The following SLC9B1 variants were observed in gnomAD, a reference collection of about 807,000 sequenced individuals.
The protein encoded by SLC9B1 is sodium/hydrogen exchanger 9B1.
Under a neutral mutation model 51.7 loss-of-function variants are expected in SLC9B1, and 32 were observed. That is an observed-to-expected ratio of 0.62 (90% CI 0.47 to 0.83). The LOEUF (loss-of-function observed/expected upper bound fraction) is 0.83, where lower values mean the gene tolerates loss of function less well. Among genes scored for constraint, SLC9B1 ranks in the 40% least tolerant of loss-of-function variants. SLC9B1 has a pLI of 0.00. For missense variants in SLC9B1, 406 were observed against 613.2 expected (o/e 0.66, Z 3.57); for synonymous variants, 145 against 212.7 (o/e 0.68, Z 2.77).
Position 102,885,450 on chromosome 4 carries a change from G to A in SLC9B1, c.1333-122C>T, listed in dbSNP as rs139460212. On this transcript the variant is annotated intron_variant, in intron 11 of 11. Transcript: ENST00000394789. Reference sequence around the variant, plus strand: ...AAAACGGTAAGATGTCTGTTTACGTGTACACTAAAATTTTGCAGTGCTAGG... The same window carrying A: ...AAAACGGTAAGATGTCTGTTTACGTATACACTAAAATTTTGCAGTGCTAGG... 521 of 1,600,944 alleles carry A rather than the reference G, an allele frequency of 3.3e-4. 4 individuals are homozygous for A. In the East Asian group the frequency reaches 0.011, roughly 33 times the overall value.
chr4:103,003,811 G>A (rs933652746), intron 1 of SLC9B1, among the ~76,000 whole-genome samples: 6 of 152,124 alleles, frequency 3.9e-5, no homozygotes, highest in Non-Finnish European at 8.8e-5. Flanking sequence ...CAGAGCTACA[G>A]CACACAGCTG....
chr4:102,885,519 TGAGA>T (rs1489821937), intron 11 of SLC9B1: 1 of 999,722 alleles, frequency 1.0e-6, no homozygotes, highest in African/African-American at 1.6e-5. Flanking sequence ...TTCTTTAAGA[TGAGA>T]GAATTTTCTG....
intron 1 of SLC9B1, among the ~76,000 whole-genome samples, chr4:103,007,430 A>G (rs1560529995): frequency 6.6e-6 from 1 of 152,176 alleles, no homozygotes; most frequent in Non-Finnish European, 1.5e-5. Context: ...AAGGATCTCT[A>G]CAATGAGAAT....
chr4:102,947,523 T>A (rs999152847), intron 4 of SLC9B1, among the ~76,000 whole-genome samples: 14 of 152,060 alleles, frequency 9.2e-5, no homozygotes, highest in Non-Finnish European at 1.9e-4. Context: ...CCAGAAAAAT[T>A]TTTAATATTT....
exon 12 of SLC9B1, chr4:102,885,082 C>A: frequency 1.4e-6 from 1 of 736,684 alleles, no homozygotes; most frequent in Non-Finnish European, 2.4e-6. Flanking sequence ...GTTATTTATT[C>A]ACAGTTTTAT....
chr4:102,914,224 GCA>G (rs547070988), intron 7 of SLC9B1, among the ~76,000 whole-genome samples: 1 of 114,642 alleles, frequency 8.7e-6, no homozygotes, highest in African/African-American at 3.9e-5. Flanking sequence ...CAGTCTGGGT[GCA>G]CTGGATGAAT....
chr4:102,946,342 G>T (rs926379558), intron 5 of SLC9B1, among the ~76,000 whole-genome samples: 1 of 151,902 alleles, frequency 6.6e-6, no homozygotes, highest in Non-Finnish European at 1.5e-5. Context: ...ACGGAGTCTC[G>T]CTCTGTCCCC....
At chr4:102,921,519 C>T (rs2043869375) in intron 7 of SLC9B1, among the ~76,000 whole-genome samples, 1 of 152,160 alleles carries the variant, frequency 6.6e-6, no homozygotes, top group Non-Finnish European at 1.5e-5. Flanking sequence ...GGCAAATAAC[C>T]AGCAACTATC....
intron 1 of SLC9B1, among the ~76,000 whole-genome samples, chr4:103,009,208 T>C (rs1333425000): frequency 6.6e-6 from 1 of 152,244 alleles, no homozygotes; most frequent in African/African-American, 2.4e-5. Context: ...TTAAATACCA[T>C]GTATGTGCAT....
intron 1 of SLC9B1, among the ~76,000 whole-genome samples, chr4:103,013,092 C>G (rs1039038990): frequency 6.6e-6 from 1 of 152,170 alleles, no homozygotes; most frequent in Admixed American, 6.5e-5. Context: ...TGGTTTTTCT[C>G]AACTATAGAC....
chr4:102,931,758 A>T (rs1233099868), intron 7 of SLC9B1, among the ~76,000 whole-genome samples: 2 of 152,196 alleles, frequency 1.3e-5, no homozygotes, highest in Non-Finnish European at 2.9e-5. Flanking sequence ...GTTTATTAGG[A>T]TGGCCAAAAA....
intron 3 of SLC9B1, among the ~76,000 whole-genome samples, chr4:102,987,558 TA>T (rs995505770): frequency 6.6e-6 from 1 of 152,110 alleles, no homozygotes; most frequent in African/African-American, 2.4e-5. Flanking sequence ...TAGGCTCTGA[TA>T]AAAAATTTTT....
Position 102,945,269 on chromosome 4 carries a change from G to T in SLC9B1, c.577C>A (p.Leu193Ile), listed in dbSNP as rs1443153511. The T allele has an allele frequency of 6.2e-7, 1 of 1,607,438 alleles. No individual in the cohort carries two copies. Among genetic ancestry groups the T allele is most frequent in the South Asian group, 1.1e-5 (1 of 90,200 alleles). Residue 193 changes from leucine (L) to isoleucine (I), a missense_variant, in exon 6 of 12, where the codon CTT becomes ATT. Leu to Ile is a conservative substitution (Grantham distance 5). Around this residue, in one of 6 missense-constraint regions of SLC9B1, gnomAD observed 250 missense variants for 394.1 expected, o/e 0.63. Transcript: ENST00000296422. Reference protein sequence around the residue: ...VCFRLAVGPCLMEASAAAVFS... With the variant: ...VCFRLAVGPCIMEASAAAVFS... ...ACAGCAGCTGCACTTGCCTCCATAA[G>T]GCATGGACCTACAGCCAATCTGAAA...
At chr4:102,902,108 A>G (rs913037772) in intron 11 of SLC9B1, among the ~76,000 whole-genome samples, 54 of 152,144 alleles carry the variant, frequency 3.5e-4, no homozygotes, top group African/African-American at 9.2e-4. Flanking sequence ...CTGGGTCACA[A>G]GTTTTTTTCC....
chr4:102,974,682 C>T (rs1738961262), intron 3 of SLC9B1, among the ~76,000 whole-genome samples: 1 of 152,134 alleles, frequency 6.6e-6, no homozygotes, highest in Non-Finnish European at 1.5e-5. Context: ...AAAACACCCA[C>T]TAGTATGAGA....
intron 6 of SLC9B1, among the ~76,000 whole-genome samples, chr4:102,936,494 T>C (rs1459254758): frequency 6.6e-6 from 1 of 152,186 alleles, no homozygotes. Flanking sequence ...CCAATCCAAA[T>C]AATCTAAGGA....
chr4:102,961,913 G>A lies in SLC9B1; in HGVS notation c.212-12486C>T, dbSNP rs73838719. 2,035 of 226,842 alleles carry A rather than the reference G, an allele frequency of 9.0e-3. 51 individuals are homozygous for A. Among genetic ancestry groups the A allele is most frequent in the African/African-American group, 0.038 (1,650 of 42,886 alleles). The allele number at this position is 226,842 out of a possible 1,614,324, so 14.1% of individuals were successfully genotyped here. On this transcript the variant is annotated intron_variant, in intron 3 of 11. Coordinates refer to ENST00000296422, the MANE Select transcript of SLC9B1 (RefSeq NM_139173.4). ...GTTGCCAAGTGGATGGTGGCAGGGT[G>A]CTCCAGGGTGGCCAGTGGGGCTAAA... is the stretch of plus-strand genomic sequence containing the variant.
chr4:102,913,946 T>C (rs1735467108), intron 7 of SLC9B1, among the ~76,000 whole-genome samples: 2 of 152,222 alleles, frequency 1.3e-5, no homozygotes, highest in African/African-American at 2.4e-5. Context: ...ACAGAGCTGA[T>C]TTATCAAGAC....
At chr4:102,969,533 A>G (rs986505668) in intron 3 of SLC9B1, among the ~76,000 whole-genome samples, 1 of 152,262 alleles carries the variant, frequency 6.6e-6, no homozygotes, top group African/African-American at 2.4e-5. Context: ...ATGGGGGGAA[A>G]CAAGAGCAGA....
Sources: gnomAD v4.1 joint callset for allele counts (sites outside exome capture counted in the v4.1 genomes callset) on GRCh38, gnomAD v4.1.1 for gene constraint, gnomAD v4.1.1 regional missense constraint, MANE v1.5 for transcripts, NCBI Gene and HGNC (gene_info 2026-07-23, HGNC 2026-07-21) for gene names.